The following ATN1 variants were observed in gnomAD, a reference collection of about 807,000 sequenced individuals.
ATN1 encodes atrophin 1, also known as atrophin-1.
In ATN1, 19 loss-of-function variants were observed where a neutral mutation model predicts 85.8. The observed-to-expected ratio is 0.22, with a 90% CI of 0.15 to 0.32. The LOEUF is 0.32. Among genes scored for constraint, ATN1 ranks in the 10% least tolerant of loss-of-function variants. The pLI is 1.00. For missense variants in ATN1, 1,453 were observed against 1,564.5 expected (o/e 0.93, Z 1.20); for synonymous variants, 674 against 657.0 (o/e 1.03, Z -0.39).
At chr12:6,933,678 A>G (rs1221601217) in intron 1 of ATN1, among the ~76,000 whole-genome samples, 162 bp from the exon 2 acceptor site, 1 of 152,198 alleles carries the variant, frequency 6.6e-6, no homozygotes, top group African/African-American at 2.4e-5. Context: ...TTAGATAGCT[A>G]AGGTAGCCCA....
intron 1 of ATN1, among the ~76,000 whole-genome samples, chr12:6,930,446 T>G (rs1432968109): frequency 3.3e-5 from 5 of 152,166 alleles, no homozygotes; most frequent in Admixed American, 1.3e-4. Flanking sequence ...TAGGGGCTCT[T>G]TTTCTAGTTC....
At chr12:6,930,166 A>G (rs1489481688) in intron 1 of ATN1, among the ~76,000 whole-genome samples, 3 of 152,232 alleles carry the variant, frequency 2.0e-5, no homozygotes, top group Non-Finnish European at 4.4e-5. Flanking sequence ...TGAAGGGGCT[A>G]TAGATGAGAT....
At chr12:6,927,595 G>A (rs1180046715), upstream of ATN1, among the ~76,000 whole-genome samples, 3 of 129,176 alleles carry the variant, frequency 2.3e-5, no homozygotes, top group East Asian at 2.2e-4. Context: ...CCCGCGCCCC[G>A]GCCCCCTCGG....
rs782449326 is a variant in ATN1 at position 6,938,025 on chromosome 12, A to G, written c.2475A>G (p.Lys825=). 71 of 1,545,736 alleles carry G rather than the reference A, an allele frequency of 4.6e-5. No homozygotes were observed. In the Admixed American group the frequency reaches 6.5e-4, roughly 14 times the overall value. ...GCGAGCGCGAGCGGGAACGCGAGAAAGAGCGCGAGCGCGAGAAGGAGCGCG... is the reference window on the plus strand; with the variant it reads ...GCGAGCGCGAGCGGGAACGCGAGAAGGAGCGCGAGCGCGAGAAGGAGCGCG... ...KERERERERE[K]EREREKEREL... Residue 825 remains lysine, a synonymous_variant, in exon 6 of 10, where the codon AAA becomes AAG. Transcript: ENST00000396684.
chr12:6,936,542 C>A lies in ATN1; in HGVS notation c.1275C>A (p.Pro425=), dbSNP rs782156467. 1 of 1,609,910 alleles carries A rather than the reference C, an allele frequency of 6.2e-7. No individual in the cohort carries two copies. Among genetic ancestry groups the A allele is most frequent in the Non-Finnish European group, 8.5e-7 (1 of 1,179,446 alleles). ...GCCTCTCTGTCTCCAATCAGCCCCC[C>A]AAGTATACTCAGCCTTCTCTCCCAT... The part of the protein sequence containing the change: ...PTSLSVSNQP[P]KYTQPSLPSQ... The change falls in exon 5 of 10, where the codon CCC becomes CCA. Residue 425 remains proline (P), a synonymous_variant. Transcript: ENST00000396684.
rs782045921 is a variant in ATN1 at position 6,941,447 on chromosome 12, C to T, written c.3432C>T (p.His1144=). The T allele has an allele frequency of 3.8e-5, 61 of 1,612,860 alleles. No individual in the cohort carries two copies. The highest frequency in any genetic ancestry group is 1.6e-4 in the African/African-American group (12 of 75,028). ...MSAAHQLQAM[H]AQSAELQRLA... ...CAGCTCATCAGCTGCAGGCCATGCA[C>T]GCACAGTCAGCTGAGCTGCAGCGCT... The change falls in exon 9 of 10, where the codon CAC becomes CAT. Residue 1144 remains histidine (H), a synonymous_variant. Coordinates refer to ENST00000396684, the MANE Select transcript of ATN1 (RefSeq NM_001940.4). The surrounding 1 kb of genome is among the most constrained non-coding windows in gnomAD (Gnocchi z 5.9).
rs1555144563 is a variant in ATN1, at chr12:6,941,010, T to A, written c.3345T>A (p.Arg1115=). 2 of 1,614,086 alleles carry A rather than the reference T, an allele frequency of 1.2e-6. No homozygotes were observed. Among genetic ancestry groups the A allele is most frequent in the East Asian group, 4.5e-5 (2 of 44,878 alleles). ...CTCTGCACGAGAACGAAGTTCTTCG[T>A]CACCAGCTCTTTGGTAAGGATGGAA... ...PHPLHENEVL[R]HQLFAAPYRD... Residue 1115 remains arginine (R), a synonymous_variant, in exon 8 of 10, where the codon CGT becomes CGA. Transcript: ENST00000396684. This position sits in a 1 kb window ranked among gnomAD's most constrained non-coding sequence, Gnocchi z 5.9.
upstream of ATN1, among the ~76,000 whole-genome samples, chr12:6,925,663 G>C (rs1945392604): frequency 6.6e-6 from 1 of 152,156 alleles, no homozygotes. Context: ...CTGTTCCTGC[G>C]CCCAGTTCCC....
Position 6,936,145 on chromosome 12 carries a change from A to G in ATN1, c.878A>G (p.Asn293Ser), listed in dbSNP as rs782162061. ...CTACCTTCTGCTCCACCACCAGCCAACTTCCCCCATGTGACACCGAACCTG... is the reference window on the plus strand; with the variant it reads ...CTACCTTCTGCTCCACCACCAGCCAGCTTCCCCCATGTGACACCGAACCTG... The part of the protein sequence containing the change: ...GNLPSAPPPA[N>S]FPHVTPNLPP... The change falls in exon 5 of 10, where the codon AAC (asparagine) becomes AGC (serine). Residue 293 changes from asparagine to serine, a missense_variant. Asn to Ser is a conservative substitution (Grantham distance 46, BLOSUM62 1). Coordinates refer to ENST00000396684, the MANE Select transcript of ATN1 (RefSeq NM_001940.4). The G allele has an allele frequency of 1.1e-5, 17 of 1,531,828 alleles. No homozygotes were observed. In the South Asian group the frequency reaches 1.2e-4, roughly 10 times the overall value. The allele number at this position is 1,531,828 out of a possible 1,614,324, so 94.9% of individuals were successfully genotyped here.
chr12:6,939,348 C>T (rs1475736733), intron 7 of ATN1, among the ~76,000 whole-genome samples, 171 bp downstream of exon 7: 1 of 152,236 alleles, frequency 6.6e-6, no homozygotes. Flanking sequence ...CTTGTCTTCT[C>T]ATGGCCTTCC....
rs782119229 is a variant in ATN1, at chr12:6,935,928, C to T, written c.661C>T (p.Pro221Ser). ...CCCTCCCCCTCACCCACAGCTCTAT[C>T]CTGGGGGCACTGGTGGAGTTTTGTC... ...GAPPPHPQLY[P>S]GGTGGVLSGP... The change falls in exon 5 of 10, where the codon CCT (proline) becomes TCT (serine). Residue 221 changes from proline (P) to serine (S), a missense_variant. Physicochemically the swap from Pro to Ser is moderately conservative, Grantham distance 74. This residue lies in a region of ATN1 where 990 missense variants were observed against 914.8 expected (regional missense o/e 1.08). Coordinates refer to ENST00000396684, the MANE Select transcript of ATN1 (RefSeq NM_001940.4). The surrounding 1 kb of genome is among the most constrained non-coding windows in gnomAD (Gnocchi z 5.3). 1 of 1,601,404 alleles carries T rather than the reference C, an allele frequency of 6.2e-7. No homozygotes were observed. The highest frequency in any genetic ancestry group is 1.3e-5 in the African/African-American group (1 of 74,532).
rs1555144061 is a variant in ATN1 at position 6,937,858 on chromosome 12, C to T, written c.2308C>T (p.Leu770=). The change falls in exon 6 of 10, where the codon CTG becomes TTG. Residue 770 remains leucine, a synonymous_variant. Coordinates refer to ENST00000396684, the MANE Select transcript of ATN1 (RefSeq NM_001940.4). This position sits in a 1 kb window ranked among gnomAD's most constrained non-coding sequence, Gnocchi z 6.0. Reference sequence around the variant, plus strand: ...CACGCCCGGCAGGTTCAACAAACACCTGGATCGCGGCTTCAACTCGTGCGC... The same window carrying T: ...CACGCCCGGCAGGTTCAACAAACACTTGGATCGCGGCTTCAACTCGTGCGC... The part of the protein sequence containing the change: ...ASQSARFNKH[L]DRGFNSCARS... The T allele has an allele frequency of 6.3e-7, 1 of 1,578,932 alleles. No homozygotes were observed. The highest frequency in any genetic ancestry group is 1.8e-5 in the Admixed American group (1 of 55,326).
At chr12:6,938,138 C>T (rs932728539) in intron 6 of ATN1, 71 bp downstream of exon 6, 1 of 1,466,110 alleles carries the variant, frequency 6.8e-7, no homozygotes, top group South Asian at 1.4e-5. Context: ...CTGCGCTGCG[C>T]TACGCTACGC....
chr12:6,928,406 G>A (rs1238024451), intron 1 of ATN1, 22 bp downstream of exon 1: 6 of 151,874 alleles, frequency 4.0e-5, no homozygotes, highest in African/African-American at 1.5e-4. Context: ...GGCCGCCTGG[G>A]CCCCGGGCCC....
In ATN1 at chr12:6,937,341, G is replaced by C. The variant is rs1019634955; in HGVS notation, c.2074G>C (p.Val692Leu). ...PGTFKPGSPT[V>L]GPGPLPPAGP... is the part of the protein sequence containing the mutation. ...GACCTTCAAGCCGGGCTCGCCCACC[G>C]TGGGACCTGGGCCCCTGCCACCTGC... Residue 692 changes from valine (V) to leucine (L), a missense_variant, in exon 5 of 10, where the codon GTG becomes CTG. Physicochemically the swap from Val to Leu is conservative, Grantham distance 32. Around this residue, in one of 6 missense-constraint regions of ATN1, gnomAD observed 990 missense variants for 914.8 expected, o/e 1.08. Transcript: ENST00000396684. The surrounding 1 kb of genome is among the most constrained non-coding windows in gnomAD (Gnocchi z 6.0). 1.3e-6 allele frequency: 2 copies of C among 1,555,108 alleles called. No homozygotes were observed. Among genetic ancestry groups the C allele is most frequent in the Non-Finnish European group, 1.7e-6 (2 of 1,151,168 alleles).
chr12:6,925,298 C>A (rs11064469), upstream of ATN1, among the ~76,000 whole-genome samples: 10,074 of 152,132 alleles, frequency 0.066, 737 homozygotes, highest in East Asian at 0.41. Flanking sequence ...TCCATTGTAG[C>A]CCATTCCTTA....
Position 6,941,546 on chromosome 12 carries a change from C to T in ATN1, c.3531C>T (p.Asp1177=), listed in dbSNP as rs1945634971. The T allele has an allele frequency of 1.9e-6, 3 of 1,612,824 alleles. No individual in the cohort carries two copies. Among genetic ancestry groups the T allele is most frequent in the East Asian group, 4.5e-5 (2 of 44,882 alleles). The change falls in exon 9 of 10, where the codon GAC becomes GAT. Residue 1177 remains aspartate, a synonymous_variant. Coordinates refer to ENST00000396684, the MANE Select transcript of ATN1 (RefSeq NM_001940.4). This position sits in a 1 kb window ranked among gnomAD's most constrained non-coding sequence, Gnocchi z 5.9. The part of the protein sequence containing the change: ...LHSVPLPAQE[D]YYSHLKKESD... ...GTGTGCCGCTGCCTGCCCAGGAGGACTACTACAGGTACCCTAGGGTGCCCC... is the reference window on the plus strand; with the variant it reads ...GTGTGCCGCTGCCTGCCCAGGAGGATTACTACAGGTACCCTAGGGTGCCCC...
In ATN1 at chr12:6,937,116, G is replaced by A. The variant is rs1391650467; in HGVS notation, c.1849G>A (p.Val617Ile). ...VTTSSATLST[V>I]IATVASSPAG... ...CACCTCTTCGGCTACCCTTTCCACGGTCATTGCCACCGTGGCTTCCTCGCC... is the reference window on the plus strand; with the variant it reads ...CACCTCTTCGGCTACCCTTTCCACGATCATTGCCACCGTGGCTTCCTCGCC... The change falls in exon 5 of 10, where the codon GTC becomes ATC. Residue 617 changes from valine to isoleucine, a missense_variant. Coordinates refer to ENST00000396684, the MANE Select transcript of ATN1 (RefSeq NM_001940.4). The surrounding 1 kb of genome is among the most constrained non-coding windows in gnomAD (Gnocchi z 6.0). The A allele has an allele frequency of 1.9e-6, 3 of 1,611,522 alleles. No homozygotes were observed. The highest frequency in any genetic ancestry group is 2.5e-6 in the Non-Finnish European group (3 of 1,180,006).
At position 6,941,955 on chromosome 12, in the gene ATN1, C is replaced by G; in HGVS notation, c.*175C>G. 1 of 664,010 alleles carries G rather than the reference C, an allele frequency of 1.5e-6. No homozygotes were observed. The highest frequency in any genetic ancestry group is 2.6e-5 in the Admixed American group (1 of 38,328). 41.1% of individuals were successfully genotyped at this position (664,010 alleles called of 1,614,324 possible). ...GAGGGACAGACAGAAGGCCAAGGCC[C>G]GATGTGGTGTGCAGAGGTGGGGAGG... On this transcript the variant is annotated 3_prime_UTR_variant, in exon 10 of 10. Coordinates refer to ENST00000396684, the MANE Select transcript of ATN1 (RefSeq NM_001940.4). This position sits in a 1 kb window ranked among gnomAD's most constrained non-coding sequence, Gnocchi z 5.9.
Sources: gnomAD v4.1 joint callset for allele counts (sites outside exome capture counted in the v4.1 genomes callset) on GRCh38, gnomAD v4.1.1 for gene constraint, gnomAD v4.1.1 regional missense constraint, Gnocchi (gnomAD v3.1) non-coding constraint, MANE v1.5 for transcripts, NCBI Gene and HGNC (gene_info 2026-07-23, HGNC 2026-07-21) for gene names.